MTMR2: variants seen among roughly 807,000 people sequenced by gnomAD.
MTMR2 encodes the protein phosphatidylinositol-3,5-bisphosphate 3-phosphatase MTMR2.
A neutral mutation model predicts 86.9 loss-of-function variants in MTMR2; 55 were observed. The ratio of observed to expected loss-of-function variants is 0.63; its 90% CI spans 0.51 to 0.79. The LOEUF (loss-of-function observed/expected upper bound fraction) is 0.79. Ranked by LOEUF, MTMR2 falls within the 30% of genes least tolerant of loss-of-function variation. The pLI is 0.00. For missense variants in MTMR2, 659 were observed against 772.3 expected, an observed-to-expected ratio of 0.85 and a Z score of 1.74; for synonymous variants, 241 against 266.8, an observed-to-expected ratio of 0.90 and a Z score of 0.94.
chr11:95,860,952 T>C (rs1006113744), intron 5 of MTMR2, among the ~76,000 whole-genome samples: 1 of 151,960 alleles, frequency 6.6e-6, no homozygotes, highest in Admixed American at 6.5e-5. Flanking sequence ...GGTCAGGAGA[T>C]TGGGACCATC....
chr11:95,851,896 A>G (rs1864035358), intron 7 of MTMR2, among the ~76,000 whole-genome samples: 1 of 152,190 alleles, frequency 6.6e-6, no homozygotes, highest in Non-Finnish European at 1.5e-5. Flanking sequence ...TAAAAAACAT[A>G]TCAACTATTG....
chr11:95,880,529 G>A (rs1271029682), intron 2 of MTMR2, among the ~76,000 whole-genome samples: 2 of 151,960 alleles, frequency 1.3e-5, no homozygotes, highest in Non-Finnish European at 2.9e-5. Context: ...TCTCTCTACT[G>A]TGGCTGTTTC....
At chr11:95,900,203 G>A (rs1045747752) in intron 1 of MTMR2, among the ~76,000 whole-genome samples, 10 of 152,082 alleles carry the variant, frequency 6.6e-5, no homozygotes, top group African/African-American at 1.7e-4. Context: ...TGAACTTGAG[G>A]TTCTTGCAAA....
chr11:95,854,307 TACAA>T (rs762943738), intron 7 of MTMR2, among the ~76,000 whole-genome samples: 2 of 152,232 alleles, frequency 1.3e-5, no homozygotes, highest in African/African-American at 2.4e-5. Context: ...AAGTTTATTA[TACAA>T]ACAAACTGAA....
Position 95,835,223 on chromosome 11 carries a change from TTCTACTCATAGAGCTGCCAGTGTA to T in MTMR2, c.*43_*66del. ...AGATGGGTTCTAAATTCCGAAGACTTTCTACTCATAGAGCTGCCAGTGTAATCAAGAGTGTATAGCAATGATGCC... is the reference window on the plus strand; with the variant it reads ...AGATGGGTTCTAAATTCCGAAGACTTATCAAGAGTGTATAGCAATGATGCC... On this transcript the variant is annotated 3_prime_UTR_variant, in exon 15 of 15. Coordinates refer to ENST00000346299, the MANE Select transcript of MTMR2 (RefSeq NM_016156.6). 2.6e-6 allele frequency: 4 copies of T among 1,534,158 alleles called. No homozygotes were observed.
intron 2 of MTMR2, among the ~76,000 whole-genome samples, chr11:95,869,901 A>T (rs1591005196): frequency 6.6e-6 from 1 of 152,148 alleles, no homozygotes; most frequent in Non-Finnish European, 1.5e-5. Flanking sequence ...TGAGAATGAG[A>T]GTGTGGACTG....
intron 2 of MTMR2, among the ~76,000 whole-genome samples, chr11:95,876,073 T>G (rs1865098726): frequency 6.6e-6 from 1 of 152,200 alleles, no homozygotes; most frequent in African/African-American, 2.4e-5. Flanking sequence ...AGGCAGTTTG[T>G]CCATTCTCAG....
At chr11:95,866,500 A>G (rs1290466020) in intron 2 of MTMR2, 2 of 152,028 alleles carry the variant, frequency 1.3e-5, no homozygotes, top group Non-Finnish European at 2.9e-5. Flanking sequence ...CAAAGAACAA[A>G]TTAACTTATT....
intron 1 of MTMR2, among the ~76,000 whole-genome samples, chr11:95,903,060 T>G (rs557314072): frequency 1.0e-3 from 155 of 152,208 alleles, no homozygotes; most frequent in Non-Finnish European, 2.0e-3. Context: ...TTTAAACACC[T>G]TGGCCATTCA....
Position 95,905,261 on chromosome 11 carries a change from C to A in MTMR2, c.81-17000G>T, listed in dbSNP as rs543619179. ...TCCTCTCCTTAATGATCTCATCCAG[C>A]CTCACAGTTCTCTGATGTGAAAATA... On this transcript the variant is annotated intron_variant, in intron 1 of 14. Coordinates refer to ENST00000346299, the MANE Select transcript of MTMR2 (RefSeq NM_016156.6). Among the ~76,000 whole-genome samples the A allele has an allele frequency of 2.0e-5, 3 of 151,686 alleles. No homozygotes were observed. In the East Asian group the frequency reaches 5.8e-4, roughly 30 times the overall value.
At chr11:95,842,776 A>G (rs554895565) in intron 11 of MTMR2, among the ~76,000 whole-genome samples, 5 of 152,384 alleles carry the variant, frequency 3.3e-5, no homozygotes, top group African/African-American at 9.6e-5. Flanking sequence ...AAGCAGGGCA[A>G]TGCTTATAAT....
At chr11:95,912,293 T>C (rs1866539554) in intron 1 of MTMR2, among the ~76,000 whole-genome samples, 1 of 152,010 alleles carries the variant, frequency 6.6e-6, no homozygotes. Context: ...AATCATAAAC[T>C]AGAAAACCAC....
intron 1 of MTMR2, among the ~76,000 whole-genome samples, chr11:95,889,517 G>A (rs563283171): frequency 1.5e-5 from 2 of 132,190 alleles, no homozygotes; most frequent in Non-Finnish European, 3.2e-5. Flanking sequence ...GTCTTTTTTG[G>A]GGGGGGAGGG....
At chr11:95,921,666 G>C (rs1329490730) in intron 1 of MTMR2, among the ~76,000 whole-genome samples, 2 of 152,172 alleles carry the variant, frequency 1.3e-5, no homozygotes, top group East Asian at 3.8e-4. Flanking sequence ...AAGATACATA[G>C]AATTTAGCAG....
intron 2 of MTMR2, among the ~76,000 whole-genome samples, chr11:95,885,143 A>C (rs576266285): frequency 1.3e-5 from 2 of 152,270 alleles, no homozygotes; most frequent in Admixed American, 6.5e-5. Flanking sequence ...ACCTAGTGCT[A>C]AGGTAGTCAT....
intron 1 of MTMR2, among the ~76,000 whole-genome samples, chr11:95,894,692 A>G (rs1026695182): frequency 4.6e-5 from 7 of 152,302 alleles, no homozygotes; most frequent in Admixed American, 3.9e-4. Flanking sequence ...AAAGTTTTCA[A>G]AAGAGTTTCT....
chr11:95,884,830 C>T (rs1865459530), intron 2 of MTMR2, among the ~76,000 whole-genome samples: 1 of 152,134 alleles, frequency 6.6e-6, no homozygotes, highest in South Asian at 2.1e-4. Flanking sequence ...AAAGATATAT[C>T]TAACAACTAA....
intron 10 of MTMR2, 100 bp from the exon 11 acceptor site, chr11:95,845,259 A>T: frequency 9.9e-7 from 1 of 1,009,740 alleles, no homozygotes; most frequent in South Asian, 1.4e-5. Context: ...TATTTCAATA[A>T]CATGAGGAAA....
At chr11:95,907,591 G>C (rs138892541) in intron 1 of MTMR2, among the ~76,000 whole-genome samples, 100 of 152,230 alleles carry the variant, frequency 6.6e-4, no homozygotes, top group Non-Finnish European at 4.0e-4. Flanking sequence ...TATTCCTGAT[G>C]AACATAGCTG....
Sources: allele counts gnomAD v4.1 joint callset (sites outside exome capture counted in the v4.1 genomes callset), GRCh38; gene constraint gnomAD v4.1.1; transcripts MANE v1.5; gene names NCBI Gene and HGNC (gene_info 2026-07-23, HGNC 2026-07-21).